Variants in SBF2 observed in about 807,000 individuals in gnomAD.
SBF2 encodes myotubularin-related protein 13.
A neutral mutation model predicts 225.2 loss-of-function variants in SBF2; 112 were observed. The observed-to-expected ratio is 0.50, with a 90% CI of 0.43 to 0.58. The LOEUF is 0.58. Ranked by LOEUF, SBF2 falls within the 20% of genes least tolerant of loss-of-function variation. SBF2 has a pLI of 0.00. For missense variants in SBF2, 1,996 were observed against 2,206.2 expected (o/e 0.90, Z 1.91); for synonymous variants, 763 against 773.3 (o/e 0.99, Z 0.22).
intron 1 of SBF2, among the ~76,000 whole-genome samples, chr11:10,236,830 G>C (rs1279452140): frequency 1.3e-5 from 2 of 152,154 alleles, no homozygotes; most frequent in African/African-American, 4.8e-5. Context: ...TTCTAGTAAT[G>C]TATATTCAGT....
At chr11:10,079,952 G>GA (rs567072483) in intron 2 of SBF2, among the ~76,000 whole-genome samples, 6 of 150,460 alleles carry the variant, frequency 4.0e-5, no homozygotes, top group African/African-American at 1.2e-4. Context: ...AGTGCTTAAA[G>GA]AAAAAAAAAT....
At chr11:10,218,823 C>T (rs961479784) in intron 1 of SBF2, among the ~76,000 whole-genome samples, 4 of 152,214 alleles carry the variant, frequency 2.6e-5, no homozygotes, top group African/African-American at 7.2e-5. Context: ...CCAAAATGAT[C>T]CCCTTTGACT....
intron 2 of SBF2, among the ~76,000 whole-genome samples, chr11:10,125,398 G>A (rs898359374): frequency 2.6e-5 from 4 of 151,844 alleles, no homozygotes; most frequent in Admixed American, 1.3e-4. Context: ...ACAGTGAGAT[G>A]CTTTCTATAT....
At chr11:9,838,984 C>T (rs751277807) in intron 26 of SBF2, 7 of 174,970 alleles carry the variant, frequency 4.0e-5, no homozygotes, top group Non-Finnish European at 4.9e-5. Context: ...TTGCCTACAC[C>T]TGGGTCAGCA....
chr11:10,296,370 C>G (rs1057190456), upstream of SBF2, among the ~76,000 whole-genome samples: 1 of 152,092 alleles, frequency 6.6e-6, no homozygotes, highest in Admixed American at 6.6e-5. Flanking sequence ...ACTCACAGTT[C>G]CACATGGCGG....
At chr11:9,914,697 C>T (rs1477645485) in intron 16 of SBF2, among the ~76,000 whole-genome samples, 2 of 151,578 alleles carry the variant, frequency 1.3e-5, no homozygotes, top group African/African-American at 4.8e-5. Context: ...TGAGGCTTCA[C>T]AAAAATCAAA....
In SBF2 at chr11:10,003,249, T is replaced by A. The variant is rs950725770; in HGVS notation, c.620-560A>T. On this transcript the variant is annotated intron_variant, in intron 6 of 39. Coordinates refer to ENST00000256190, the MANE Select transcript of SBF2 (RefSeq NM_030962.4). ...TAACTGAAATATTTTTAATCCAGTCTGACAACTTTTGTCTTTTAACTATTT... is the reference window on the plus strand; with the variant it reads ...TAACTGAAATATTTTTAATCCAGTCAGACAACTTTTGTCTTTTAACTATTT... 4.6e-5 allele frequency among the ~76,000 whole-genome samples: 7 copies of A among 152,392 alleles called. No homozygotes were observed. The East Asian group carries it at 1.3e-3, about 29-fold the overall frequency.
intron 1 of SBF2, among the ~76,000 whole-genome samples, chr11:10,231,582 C>G (rs1024356037): frequency 1.3e-5 from 2 of 152,200 alleles, no homozygotes; most frequent in Non-Finnish European, 2.9e-5. Context: ...ACTCCAGACC[C>G]TGTTTGCCTC....
chr11:9,866,771 C>A (rs1264123071), intron 17 of SBF2, among the ~76,000 whole-genome samples: 1 of 152,032 alleles, frequency 6.6e-6, no homozygotes, highest in East Asian at 1.9e-4. Context: ...GCAAAGGAAA[C>A]AATTAGCAAA....
intron 2 of SBF2, among the ~76,000 whole-genome samples, chr11:10,073,000 C>T (rs530001441): frequency 3.9e-5 from 6 of 152,058 alleles, no homozygotes; most frequent in African/African-American, 7.2e-5. Flanking sequence ...TCAAGCAATC[C>T]GCCTGCCTTG....
chr11:10,211,169 TG>T (rs1957934919), intron 1 of SBF2, among the ~76,000 whole-genome samples: 1 of 152,148 alleles, frequency 6.6e-6, no homozygotes, highest in Non-Finnish European at 1.5e-5. Context: ...TTTAGAAATT[TG>T]TTCTCTATCA....
chr11:9,787,723 C>A lies in SBF2; in HGVS notation c.4948G>T (p.Glu1650Ter), dbSNP rs1852467043. 6.2e-7 allele frequency: 1 copy of A among 1,614,022 alleles called. No homozygotes were observed. Among genetic ancestry groups the A allele is most frequent in the Non-Finnish European group, 8.5e-7 (1 of 1,180,020 alleles). ...TCAGGGGCTTGGTTCAATTTGTGCT[C>A]CAATTTTTCAATTTCCTGCAAAGAA... ...TSLFSEIEKL[E>*]HKLNQAPEKW... Residue 1650 changes from glutamate (E) to a stop codon, truncating the protein, a stop_gained, in exon 36 of 40, where the codon GAG (glutamate) becomes TAG (stop). Transcript: ENST00000256190. LOFTEE classifies it high-confidence loss of function.
Position 10,088,167 on chromosome 11 carries a change from G to A in SBF2, c.142-45186C>T, listed in dbSNP as rs546412274. ...GCCTCCTGAGTAGCTGAGACTATAG[G>A]TGCACACCACCACGGCCGGCTAATT... is the stretch of plus-strand genomic sequence containing the variant. On this transcript the variant is annotated intron_variant, in intron 2 of 39. Coordinates refer to ENST00000256190, the MANE Select transcript of SBF2 (RefSeq NM_030962.4). Among the ~76,000 whole-genome samples, 5 of 151,842 alleles carry A rather than the reference G, an allele frequency of 3.3e-5. No individual in the cohort carries two copies. In the South Asian group the frequency reaches 8.3e-4, roughly 25 times the overall value.
intron 2 of SBF2, among the ~76,000 whole-genome samples, 199 bp from the exon 3 acceptor site, chr11:10,043,180 G>A (rs1343182125): frequency 1.3e-5 from 2 of 152,116 alleles, no homozygotes; most frequent in Non-Finnish European, 2.9e-5. Flanking sequence ...TATATTTCAT[G>A]AAGATAGCCT....
At chr11:10,042,537 G>A (rs1406780748) in intron 3 of SBF2, among the ~76,000 whole-genome samples, 1 of 152,160 alleles carries the variant, frequency 6.6e-6, no homozygotes, top group Admixed American at 6.6e-5. Context: ...CCCAGGAGAA[G>A]GGCTGGCAGG....
intron 1 of SBF2, chr11:10,272,123 T>C: frequency 8.8e-7 from 1 of 1,137,314 alleles, no homozygotes. Context: ...CAGCAGGGCA[T>C]CCTTGCAGGC....
chr11:9,873,293 G>A (rs1379740696), intron 17 of SBF2, among the ~76,000 whole-genome samples: 1 of 150,382 alleles, frequency 6.6e-6, no homozygotes, highest in African/African-American at 2.4e-5. Flanking sequence ...GATTAGTACA[G>A]CATAAAAATA....
intron 2 of SBF2, among the ~76,000 whole-genome samples, chr11:10,187,847 A>T (rs1263437231): frequency 6.6e-6 from 1 of 152,230 alleles, no homozygotes; most frequent in East Asian, 1.9e-4. Flanking sequence ...AGAAAAAATT[A>T]ACTTCAACTT....
intron 1 of SBF2, among the ~76,000 whole-genome samples, chr11:10,196,410 C>T (rs1235435948): frequency 2.6e-5 from 4 of 152,106 alleles, no homozygotes; most frequent in Non-Finnish European, 4.4e-5. Flanking sequence ...GACAGGGTCT[C>T]ACTCTGTTGC....
Sources: allele counts gnomAD v4.1 joint callset (sites outside exome capture counted in the v4.1 genomes callset), GRCh38; gene constraint gnomAD v4.1.1; transcripts MANE v1.5; gene names NCBI Gene and HGNC (gene_info 2026-07-23, HGNC 2026-07-21).